Variants in ZFPM2 observed in about 807,000 individuals in gnomAD.
ZFPM2 encodes zinc finger protein, FOG family member 2.
A neutral mutation model predicts 98.6 loss-of-function variants in ZFPM2; 20 were observed. The ratio of observed to expected loss-of-function variants is 0.20; its 90% CI spans 0.14 to 0.29. The LOEUF (loss-of-function observed/expected upper bound fraction) is 0.29, where lower values mean the gene tolerates loss of function less well. Among genes scored for constraint, ZFPM2 ranks in the 10% least tolerant of loss-of-function variants. The pLI is 1.00. For missense variants in ZFPM2, 1,310 were observed against 1,388.6 expected (o/e 0.94, Z 0.90); for synonymous variants, 518 against 502.7 (o/e 1.03, Z -0.41).
At chr8:105,685,568 T>C (rs1174849819) in intron 5 of ZFPM2, among the ~76,000 whole-genome samples, 1 of 152,004 alleles carries the variant, frequency 6.6e-6, no homozygotes, top group African/African-American at 2.4e-5. Flanking sequence ...GAGGAACAAA[T>C]TTGACTTTTT....
At chr8:105,392,831 A>T (rs1394244132) in intron 1 of ZFPM2, among the ~76,000 whole-genome samples, 1 of 152,176 alleles carries the variant, frequency 6.6e-6, no homozygotes, top group Admixed American at 6.5e-5. Context: ...TATAAGTGAG[A>T]GATTGTATTA....
intron 1 of ZFPM2, among the ~76,000 whole-genome samples, chr8:105,406,471 C>T (rs1013066036): frequency 6.6e-6 from 1 of 152,030 alleles, no homozygotes; most frequent in Non-Finnish European, 1.5e-5. Context: ...GGATTAAAGA[C>T]CTACATGTTA....
At chr8:105,375,792 G>A (rs576406397) in intron 1 of ZFPM2, among the ~76,000 whole-genome samples, 1 of 152,074 alleles carries the variant, frequency 6.6e-6, no homozygotes, top group Non-Finnish European at 1.5e-5. Flanking sequence ...TGAGGTCAAC[G>A]AACATGTTCC....
At chr8:105,615,264 T>A (rs1447788887) in intron 4 of ZFPM2, among the ~76,000 whole-genome samples, 1 of 152,036 alleles carries the variant, frequency 6.6e-6, no homozygotes, top group East Asian at 1.9e-4. Context: ...TACTCTCAAG[T>A]TTATTGCCTT....
chr8:105,628,928 G>T (rs1816708031), intron 4 of ZFPM2, among the ~76,000 whole-genome samples: 1 of 152,130 alleles, frequency 6.6e-6, no homozygotes, highest in Non-Finnish European at 1.5e-5. Flanking sequence ...AGGACCCACT[G>T]AACTGTTAAC....
At chr8:105,623,813 T>C (rs1290882106) in intron 4 of ZFPM2, among the ~76,000 whole-genome samples, 1 of 152,176 alleles carries the variant, frequency 6.6e-6, no homozygotes, top group African/African-American at 2.4e-5. Flanking sequence ...TGTTAGATAC[T>C]CCTTTTATTC....
At chr8:105,652,591 A>G (rs1409861455) in intron 5 of ZFPM2, among the ~76,000 whole-genome samples, 3 of 152,102 alleles carry the variant, frequency 2.0e-5, no homozygotes, top group Non-Finnish European at 4.4e-5. Flanking sequence ...TCTAGTACTC[A>G]CCATCATTGT....
intron 1 of ZFPM2, among the ~76,000 whole-genome samples, chr8:105,412,586 T>C (rs1811598578): frequency 1.3e-5 from 2 of 151,766 alleles, no homozygotes; most frequent in African/African-American, 2.4e-5. Context: ...AGAGAAAAAT[T>C]AATAAAAATG....
At chr8:105,733,501 A>T (rs1811993607) in intron 5 of ZFPM2, among the ~76,000 whole-genome samples, 1 of 151,868 alleles carries the variant, frequency 6.6e-6, no homozygotes, top group African/African-American at 2.4e-5. Flanking sequence ...GTGTTTCAAA[A>T]TTTTCAGCTG....
intron 1 of ZFPM2, among the ~76,000 whole-genome samples, chr8:105,409,339 G>A (rs1409700590): frequency 6.6e-6 from 1 of 151,880 alleles, no homozygotes; most frequent in African/African-American, 2.4e-5. Flanking sequence ...GCATTATCCA[G>A]GACTCTTGGC....
chr8:105,758,534 G>A (rs1403435821), intron 5 of ZFPM2, among the ~76,000 whole-genome samples: 1 of 152,036 alleles, frequency 6.6e-6, no homozygotes, highest in Non-Finnish European at 1.5e-5. Flanking sequence ...AAGTAATGTA[G>A]CAATAATGTT....
At chr8:105,609,639 G>A (rs1419867002) in intron 4 of ZFPM2, among the ~76,000 whole-genome samples, 2 of 152,170 alleles carry the variant, frequency 1.3e-5, no homozygotes, top group Non-Finnish European at 2.9e-5. Flanking sequence ...TGGTTTAACT[G>A]TAAAAAGAGA....
intron 4 of ZFPM2, among the ~76,000 whole-genome samples, chr8:105,562,897 GCTATT>G: frequency 6.6e-6 from 1 of 152,296 alleles, no homozygotes; most frequent in East Asian, 1.9e-4. Context: ...TTTGCAAGGA[GCTATT>G]CTGCCTACCA....
At chr8:105,500,257 A>T (rs1280224374) in intron 3 of ZFPM2, among the ~76,000 whole-genome samples, 1 of 152,210 alleles carries the variant, frequency 6.6e-6, no homozygotes, top group Non-Finnish European at 1.5e-5. Flanking sequence ...AAATATCGGC[A>T]TGAATAGAAT....
chr8:105,534,020 TTC>T (rs1814370939), intron 3 of ZFPM2, among the ~76,000 whole-genome samples: 3 of 14,472 alleles, frequency 2.1e-4, no homozygotes, highest in African/African-American at 9.6e-4. Context: ...TCCTCCCTTC[TTC>T]CCTTCCTCCC....
At position 105,562,225 on chromosome 8, in the gene ZFPM2, G is replaced by T. The variant is rs1220790467; in HGVS notation, c.420+744G>T. 5.3e-5 allele frequency among the ~76,000 whole-genome samples: 8 copies of T among 152,054 alleles called. No individual in the cohort carries two copies. In the East Asian group the frequency reaches 1.6e-3, roughly 30 times the overall value. ...CTCGGGAGGCTGAGGCAGGAGAATT[G>T]CTTGAACCCAGAAGGCAGAGTCTGC... On this transcript the variant is annotated intron_variant, in intron 4 of 7. Coordinates refer to ENST00000407775, the MANE Select transcript of ZFPM2 (RefSeq NM_012082.4).
chr8:105,719,220 TC>T (rs1811598227), intron 5 of ZFPM2, among the ~76,000 whole-genome samples: 1 of 151,930 alleles, frequency 6.6e-6, no homozygotes, highest in Non-Finnish European at 1.5e-5. Flanking sequence ...ATCATCCTAA[TC>T]ACCAATTAAA....
chr8:105,531,773 G>T (rs1304122713), intron 3 of ZFPM2, among the ~76,000 whole-genome samples: 27 of 152,054 alleles, frequency 1.8e-4, no homozygotes, highest in Admixed American at 1.8e-3. Flanking sequence ...GATGCCTAGA[G>T]AAAAATATTT....
At chr8:105,796,154 A>G (rs1307801657) in intron 6 of ZFPM2, among the ~76,000 whole-genome samples, 1 of 152,060 alleles carries the variant, frequency 6.6e-6, no homozygotes, top group African/African-American at 2.4e-5. Flanking sequence ...TGGTAAATGT[A>G]CTTATTTTCT....
Sources: allele counts gnomAD v4.1 joint callset (sites outside exome capture counted in the v4.1 genomes callset), GRCh38; gene constraint gnomAD v4.1.1; transcripts MANE v1.5; gene names NCBI Gene and HGNC (gene_info 2026-07-23, HGNC 2026-07-21).